SH2D4A: variants seen among roughly 807,000 people sequenced by gnomAD.
The protein encoded by SH2D4A is SH2 domain-containing protein 4A.
SH2D4A carries 70 observed loss-of-function variants against 64.7 expected under a neutral mutation model. The ratio of observed to expected loss-of-function variants is 1.08; its 90% CI spans 0.89 to 1.32. The LOEUF is 1.32. Among genes scored for constraint, SH2D4A ranks in the 40% most tolerant of loss-of-function variants. SH2D4A has a pLI of 0.00. For synonymous variants in SH2D4A, 268 were observed against 200.7 expected, an observed-to-expected ratio of 1.34 and a Z score of -2.83; for missense variants, 706 against 540.1, an observed-to-expected ratio of 1.31 and a Z score of -3.04.
chr8:19,320,244 G>T (rs1043743370), intron 2 of SH2D4A, among the ~76,000 whole-genome samples: 2 of 152,116 alleles, frequency 1.3e-5, no homozygotes, highest in Non-Finnish European at 2.9e-5. Flanking sequence ...GAGTTTCTCA[G>T]ATGTAAACTT....
intron 8 of SH2D4A, among the ~76,000 whole-genome samples, chr8:19,387,945 G>A (rs779476555): frequency 6.6e-6 from 1 of 152,164 alleles, no homozygotes; most frequent in African/African-American, 2.4e-5. Context: ...TCTGATCCTT[G>A]ACTCATTAAG....
At chr8:19,339,875 A>G (rs534558149) in intron 4 of SH2D4A, among the ~76,000 whole-genome samples, 7 of 152,290 alleles carry the variant, frequency 4.6e-5, no homozygotes, top group African/African-American at 1.4e-4. Flanking sequence ...TACTCATAAC[A>G]TATTTTGAGT....
At chr8:19,335,214 G>A (rs2052427683) in intron 4 of SH2D4A, among the ~76,000 whole-genome samples, 1 of 152,082 alleles carries the variant, frequency 6.6e-6, no homozygotes, top group African/African-American at 2.4e-5. Flanking sequence ...CGTGAACCTG[G>A]GAGGTGGAGC....
chr8:19,331,127 T>C (rs552614471), intron 2 of SH2D4A, among the ~76,000 whole-genome samples: 2 of 152,338 alleles, frequency 1.3e-5, no homozygotes, highest in East Asian at 3.9e-4. Context: ...GAGTGTCCAC[T>C]GTACCAAGAA....
chr8:19,391,425 C>T (rs942261800), intron 8 of SH2D4A, among the ~76,000 whole-genome samples: 1 of 152,120 alleles, frequency 6.6e-6, no homozygotes, highest in Admixed American at 6.5e-5. Context: ...GGAAAAGCGA[C>T]TGGACATGAT....
intron 1 of SH2D4A, among the ~76,000 whole-genome samples, chr8:19,318,798 A>G (rs545093278): frequency 3.9e-5 from 6 of 152,256 alleles, no homozygotes; most frequent in African/African-American, 1.4e-4. Flanking sequence ...TGTTTATTTA[A>G]TGCTACTTTT....
At chr8:19,369,744 T>C (rs780510200) in intron 7 of SH2D4A, among the ~76,000 whole-genome samples, 8 of 152,144 alleles carry the variant, frequency 5.3e-5, no homozygotes, top group African/African-American at 7.2e-5. Context: ...GCTAAACTTA[T>C]GTGAGTTTTG....
Position 19,336,728 on chromosome 8 carries a change from A to G in SH2D4A, c.513+1871A>G, listed in dbSNP as rs1046882105. 2.0e-5 allele frequency among the ~76,000 whole-genome samples: 3 copies of G among 151,950 alleles called. No homozygotes were observed. The East Asian group carries it at 5.8e-4, about 29-fold the overall frequency. On this transcript the variant is annotated intron_variant, in intron 4 of 9. Transcript: ENST00000265807. ...AAAAATTAAAAAAAAACAGCCAAGC[A>G]TGGTGGTGCATGCCTGTAGTCCTAG...
chr8:19,325,201 C>T (rs2052258262), intron 2 of SH2D4A, among the ~76,000 whole-genome samples: 2 of 152,176 alleles, frequency 1.3e-5, no homozygotes, highest in African/African-American at 4.8e-5. Flanking sequence ...CCCTCACTCA[C>T]CCACCTAGTC....
At chr8:19,317,040 C>T (rs763110384) in intron 1 of SH2D4A, among the ~76,000 whole-genome samples, 2 of 152,184 alleles carry the variant, frequency 1.3e-5, no homozygotes, top group African/African-American at 2.4e-5. Flanking sequence ...AGGATCTACC[C>T]ATGCCTTGAA....
chr8:19,374,109 C>A (rs2053156209), intron 8 of SH2D4A, among the ~76,000 whole-genome samples: 1 of 152,188 alleles, frequency 6.6e-6, no homozygotes, highest in Non-Finnish European at 1.5e-5. Context: ...GCCTCATTTT[C>A]CCCATCTGTT....
intron 4 of SH2D4A, among the ~76,000 whole-genome samples, chr8:19,342,936 C>G (rs2052551233): frequency 6.6e-6 from 1 of 152,178 alleles, no homozygotes; most frequent in Non-Finnish European, 1.5e-5. Flanking sequence ...GAGCCAGTCT[C>G]ATTCACCTCG....
intron 4 of SH2D4A, among the ~76,000 whole-genome samples, chr8:19,356,232 G>A (rs1036228424): frequency 6.6e-6 from 1 of 152,220 alleles, no homozygotes; most frequent in African/African-American, 2.4e-5. Flanking sequence ...GTATAGTGGG[G>A]TAGCCACATG....
intron 5 of SH2D4A, 107 bp downstream of exon 5, chr8:19,357,390 G>T (rs2052809981): frequency 1.2e-6 from 1 of 854,396 alleles, no homozygotes; most frequent in Non-Finnish European, 1.9e-6. Context: ...TTAAGCAGCA[G>T]GATGGGAAAT....
At chr8:19,385,048 C>T (rs953045900) in intron 8 of SH2D4A, among the ~76,000 whole-genome samples, 6 of 151,988 alleles carry the variant, frequency 3.9e-5, no homozygotes, top group African/African-American at 1.5e-4. Context: ...GAAATCTTTC[C>T]ATCTTGATTT....
At chr8:19,320,623 CAA>C (rs57328086) in intron 2 of SH2D4A, among the ~76,000 whole-genome samples, 1,228 of 68,816 alleles carry the variant, frequency 0.018, 18 homozygotes, top group African/African-American at 0.061. Context: ...GACTGTGTGT[CAA>C]AAAAAAAAAA....
chr8:19,361,184 TTG>T lies in SH2D4A; in HGVS notation c.595-17_595-16del. ...TGTTTTGTTTTGTTTTTGTTTTTTT[TTG>T]TTTTGTTTTTAAACAGAAGAAAGAA... On this transcript the variant is annotated splice_polypyrimidine_tract_variant and intron_variant, in intron 5 of 9. Coordinates refer to ENST00000265807, the MANE Select transcript of SH2D4A (RefSeq NM_022071.4). 7.0e-7 allele frequency: 1 copy of T among 1,419,238 alleles called. No homozygotes were observed. The highest frequency in any genetic ancestry group is 1.3e-5 in the South Asian group (1 of 78,952). The allele number at this position is 1,419,238 out of a possible 1,614,324, so 87.9% of individuals were successfully genotyped here. A position where few individuals can be genotyped will look rare whatever the true frequency, so the allele number is the denominator to read the frequency against.
At chr8:19,347,133 C>T (rs546129454) in intron 4 of SH2D4A, among the ~76,000 whole-genome samples, 7 of 152,184 alleles carry the variant, frequency 4.6e-5, no homozygotes, top group Non-Finnish European at 8.8e-5. Flanking sequence ...TGCTTAATAC[C>T]GAGTCAGTGT....
At chr8:19,357,030 C>G (rs2052802265) in intron 4 of SH2D4A, among the ~76,000 whole-genome samples, 173 bp from the exon 5 acceptor site, 1 of 152,144 alleles carries the variant, frequency 6.6e-6, no homozygotes, top group African/African-American at 2.4e-5. Flanking sequence ...ATTCACATGC[C>G]CGTTGCTGTA....
Sources: gnomAD v4.1 joint callset for allele counts (sites outside exome capture counted in the v4.1 genomes callset) on GRCh38, gnomAD v4.1.1 for gene constraint, MANE v1.5 for transcripts, NCBI Gene and HGNC (gene_info 2026-07-23, HGNC 2026-07-21) for gene names.